Variants in UNC5D observed in about 807,000 individuals in gnomAD.
UNC5D encodes unc-5 netrin receptor D.
UNC5D carries 39 observed loss-of-function variants against 105.4 expected under a neutral mutation model. That is an observed-to-expected ratio of 0.37 (90% CI 0.29 to 0.48). The LOEUF is 0.48. UNC5D is among the 20% of genes least tolerant of loss of function. The pLI is 0.98. For synonymous variants in UNC5D, 452 were observed against 450.4 expected (o/e 1.00, Z -0.04); for missense variants, 991 against 1,202.4 (o/e 0.82, Z 2.60).
chr8:35,721,501 A>G (rs1431768983), intron 8 of UNC5D: 2 of 702,984 alleles, frequency 2.8e-6, no homozygotes, highest in Admixed American at 4.0e-5. Context: ...CCGTCCTAGC[A>G]ACCCGTCCTC....
chr8:35,634,553 A>G (rs564750116), intron 4 of UNC5D, among the ~76,000 whole-genome samples: 5 of 152,206 alleles, frequency 3.3e-5, no homozygotes, highest in Admixed American at 6.5e-5. Flanking sequence ...TGATAGAATT[A>G]GGAGCATTTA....
At chr8:35,515,077 G>A (rs1036477348) in intron 1 of UNC5D, among the ~76,000 whole-genome samples, 1 of 152,214 alleles carries the variant, frequency 6.6e-6, no homozygotes, top group Non-Finnish European at 1.5e-5. Flanking sequence ...TGAAAGACTA[G>A]CTTCAGTGAC....
intron 15 of UNC5D, among the ~76,000 whole-genome samples, chr8:35,773,131 C>T (rs1484350192): frequency 6.6e-6 from 1 of 152,094 alleles, no homozygotes; most frequent in Admixed American, 6.5e-5. Context: ...TCCCTTTTGT[C>T]TTATAATCAT....
At chr8:35,489,142 G>A (rs997018368) in intron 1 of UNC5D, among the ~76,000 whole-genome samples, 2 of 151,996 alleles carry the variant, frequency 1.3e-5, no homozygotes, top group South Asian at 4.2e-4. Flanking sequence ...AAGTAGCTGG[G>A]ACTACAAGTC....
At chr8:35,766,818 TC>T in intron 14 of UNC5D, 83 bp from the exon 15 acceptor site, 4 of 1,405,428 alleles carry the variant, frequency 2.8e-6, no homozygotes, top group Non-Finnish European at 3.8e-6. Flanking sequence ...ATCATCATCA[TC>T]ATCATCACTA....
chr8:35,572,171 C>T (rs1302388079), intron 3 of UNC5D, among the ~76,000 whole-genome samples: 1 of 151,050 alleles, frequency 6.6e-6, no homozygotes, highest in Non-Finnish European at 1.5e-5. Context: ...GCCTGTGGTC[C>T]CAGCTACTTG....
chr8:35,349,928 C>T (rs1812081996), intron 1 of UNC5D, among the ~76,000 whole-genome samples: 1 of 152,008 alleles, frequency 6.6e-6, no homozygotes, highest in Admixed American at 6.6e-5. Flanking sequence ...ATTGGTGCCA[C>T]AGTTTCCATT....
At chr8:35,468,537 G>A (rs1809476954) in intron 1 of UNC5D, among the ~76,000 whole-genome samples, 4 of 152,256 alleles carry the variant, frequency 2.6e-5, no homozygotes, top group Admixed American at 6.5e-5. Context: ...ATAGAAAGCC[G>A]TGATTTCCCT....
chr8:35,370,285 C>A (rs970115712), intron 1 of UNC5D, among the ~76,000 whole-genome samples: 1 of 152,080 alleles, frequency 6.6e-6, no homozygotes, highest in Admixed American at 6.6e-5. Flanking sequence ...TGGCATATGG[C>A]AATGCTAAAT....
intron 1 of UNC5D, among the ~76,000 whole-genome samples, chr8:35,287,249 C>T (rs1277032365): frequency 6.6e-6 from 1 of 151,970 alleles, no homozygotes; most frequent in Non-Finnish European, 1.5e-5. Flanking sequence ...CAAAAGAAAC[C>T]AATAAAGCTT....
At chr8:35,718,774 C>A (rs1828402599) in intron 8 of UNC5D, among the ~76,000 whole-genome samples, 1 of 152,064 alleles carries the variant, frequency 6.6e-6, no homozygotes, top group Admixed American at 6.5e-5. Flanking sequence ...ACTGGGTACC[C>A]TGACTGATGG....
intron 1 of UNC5D, among the ~76,000 whole-genome samples, chr8:35,425,135 T>G (rs1489016630): frequency 6.6e-6 from 1 of 152,176 alleles, no homozygotes; most frequent in East Asian, 1.9e-4. Flanking sequence ...TGTATACATA[T>G]GTAACAAACC....
At chr8:35,402,168 A>T (rs1319466183) in intron 1 of UNC5D, among the ~76,000 whole-genome samples, 1 of 152,138 alleles carries the variant, frequency 6.6e-6, no homozygotes, top group Non-Finnish European at 1.5e-5. Context: ...TATTTCATTT[A>T]TCTGTCATTA....
At chr8:35,656,048 A>C (rs1823712803) in intron 4 of UNC5D, among the ~76,000 whole-genome samples, 1 of 152,164 alleles carries the variant, frequency 6.6e-6, no homozygotes, top group African/African-American at 2.4e-5. Flanking sequence ...ATGTAATCTG[A>C]GCTTTAGCCT....
chr8:35,318,300 C>G (rs1039809218), intron 1 of UNC5D, among the ~76,000 whole-genome samples: 2 of 152,060 alleles, frequency 1.3e-5, no homozygotes, highest in African/African-American at 4.8e-5. Flanking sequence ...CTCCACAATA[C>G]TAGTTCTCAT....
chr8:35,527,994 T>G (rs1814005965), intron 1 of UNC5D, among the ~76,000 whole-genome samples: 1 of 151,652 alleles, frequency 6.6e-6, no homozygotes, highest in Admixed American at 6.6e-5. Context: ...TATTTAATCA[T>G]TAACAATGCC....
intron 1 of UNC5D, among the ~76,000 whole-genome samples, chr8:35,428,983 A>G (rs1216864067): frequency 6.6e-6 from 1 of 152,140 alleles, no homozygotes; most frequent in East Asian, 1.9e-4. Context: ...GGGAGATGTG[A>G]CTAAGCTGGA....
rs773419562 is a variant in UNC5D, at chr8:35,549,311, C to T, written c.123C>T (p.Ala41=). The change falls in exon 2 of 17, where the codon GCC becomes GCT. Residue 41 remains alanine (A), a synonymous_variant. Coordinates refer to ENST00000404895, the MANE Select transcript of UNC5D (RefSeq NM_080872.4). ...TCACAGGAACTGACAATGGCGAAGC[C>T]CTTCCCGAATCCATCCCATCAGCTC... ...AAARGTDNGE[A]LPESIPSAPG... is the part of the protein sequence containing the mutation. The T allele has an allele frequency of 6.2e-7, 1 of 1,613,170 alleles. No homozygotes were observed. The highest frequency in any genetic ancestry group is 8.5e-7 in the Non-Finnish European group (1 of 1,180,034).
intron 4 of UNC5D, among the ~76,000 whole-genome samples, chr8:35,614,465 G>A (rs1265576728): frequency 6.6e-6 from 1 of 152,046 alleles, no homozygotes; most frequent in Non-Finnish European, 1.5e-5. Flanking sequence ...ATGTCTAATA[G>A]TCCACATAAA....
Sources: allele counts gnomAD v4.1 joint callset (sites outside exome capture counted in the v4.1 genomes callset), GRCh38; gene constraint gnomAD v4.1.1; transcripts MANE v1.5; gene names NCBI Gene and HGNC (gene_info 2026-07-23, HGNC 2026-07-21).